CIB4: variants seen among roughly 807,000 people sequenced by gnomAD.
CIB4 encodes the protein calcium and integrin-binding family member 4.
In CIB4, 25 loss-of-function variants were observed where a neutral mutation model predicts 25.8. The ratio of observed to expected loss-of-function variants is 0.97; its 90% CI spans 0.71 to 1.35. CIB4 has a LOEUF of 1.35. Among genes scored for constraint, CIB4 ranks in the 40% most tolerant of loss-of-function variants. CIB4 has a pLI of 0.00. For missense variants in CIB4, 235 were observed against 228.2 expected (o/e 1.03, Z -0.19); for synonymous variants, 75 against 81.4 (o/e 0.92, Z 0.42).
In CIB4 at chr2:26,595,150, A is replaced by G; in HGVS notation, c.328+26T>C. 3 of 1,592,476 alleles carry G rather than the reference A, an allele frequency of 1.9e-6. No homozygotes were observed. The South Asian group carries it at 3.3e-5, about 18-fold the overall frequency. ...GTTCTCTATGGCCTTTCCACCCCTC[A>G]CCCCTCAGTCCCCCACAGCACCTAC... On this transcript the variant is annotated intron_variant, in intron 4 of 6. Coordinates refer to ENST00000288861, the MANE Select transcript of CIB4 (RefSeq NM_001029881.3).
At chr2:26,637,883 C>T (rs181256671) in intron 2 of CIB4, among the ~76,000 whole-genome samples, 1 of 152,306 alleles carries the variant, frequency 6.6e-6, no homozygotes, top group Admixed American at 6.5e-5. Context: ...AGTTTCTGCA[C>T]TGCTGTCCCT....
intron 2 of CIB4, among the ~76,000 whole-genome samples, chr2:26,630,738 G>A (rs562586805): frequency 4.1e-4 from 63 of 152,244 alleles, no homozygotes; most frequent in Admixed American, 1.1e-3. Context: ...CCACACACTC[G>A]TGAGGATTAA....
intron 2 of CIB4, among the ~76,000 whole-genome samples, chr2:26,632,737 G>A (rs1300252336): frequency 1.4e-5 from 2 of 146,974 alleles, no homozygotes; most frequent in African/African-American, 2.6e-5. Flanking sequence ...CAGCTTGGGC[G>A]ACAGAGTGAG....
intron 3 of CIB4, among the ~76,000 whole-genome samples, chr2:26,612,581 G>A (rs989211727): frequency 3.9e-5 from 6 of 152,044 alleles, no homozygotes; most frequent in Middle Eastern, 3.2e-3. Context: ...AGGGACTCAA[G>A]AAGTGGGACC....
intron 1 of CIB4, among the ~76,000 whole-genome samples, chr2:26,640,904 G>C (rs902397698): frequency 2.0e-5 from 3 of 152,160 alleles, no homozygotes; most frequent in Non-Finnish European, 4.4e-5. Context: ...TGCAGATTTA[G>C]CAAAGAGAGG....
In CIB4 at chr2:26,606,777, C is replaced by T. The variant is rs568631763; in HGVS notation, c.187-11460G>A. On this transcript the variant is annotated intron_variant, in intron 3 of 6. Transcript: ENST00000288861. ...CTAATTATTTATAAGAAAGGGATAG[C>T]CCCTGTGTTTGAGATGCTCAACCTT... Among the ~76,000 whole-genome samples, 9 of 152,200 alleles carry T rather than the reference C, an allele frequency of 5.9e-5. No homozygotes were observed. The East Asian group carries it at 1.2e-3, about 20-fold the overall frequency.
chr2:26,599,274 G>T (rs114191125), intron 3 of CIB4, among the ~76,000 whole-genome samples: 1 of 152,124 alleles, frequency 6.6e-6, no homozygotes, highest in Admixed American at 6.5e-5. Context: ...CCATTTATAC[G>T]TGATGAAACT....
At chr2:26,584,529 T>C (rs1194440401) in intron 4 of CIB4, among the ~76,000 whole-genome samples, 4 of 152,234 alleles carry the variant, frequency 2.6e-5, no homozygotes, top group Non-Finnish European at 5.9e-5. Flanking sequence ...CTGGCCATAC[T>C]GACCCTGGCT....
chr2:26,585,007 G>C (rs1468467568), intron 4 of CIB4, among the ~76,000 whole-genome samples: 1 of 152,174 alleles, frequency 6.6e-6, no homozygotes, highest in East Asian at 1.9e-4. Context: ...CCAGGCCTTG[G>C]GTCCTCCTTT....
At position 26,629,478 on chromosome 2, in the gene CIB4, G is replaced by A. The variant is rs1669374757; in HGVS notation, c.118C>T (p.Pro40Ser). The change falls in exon 3 of 7, where the codon CCT (proline) becomes TCT (serine). Residue 40 changes from proline to serine, a missense_variant. Pro to Ser is a moderately conservative substitution (Grantham distance 74). Coordinates refer to ENST00000288861, the MANE Select transcript of CIB4 (RefSeq NM_001029881.3). ...CIHDTFLKLC[P>S]PGKYYKEATL... ...GCCTCCTTGTAGTACTTCCCAGGAG[G>A]GCAGAGCTTCAGGAAGGTGTCATGG... The A allele has an allele frequency of 6.3e-7, 1 of 1,578,262 alleles. No individual in the cohort carries two copies. The highest frequency in any genetic ancestry group is 8.6e-7 in the Non-Finnish European group (1 of 1,161,534).
intron 4 of CIB4, among the ~76,000 whole-genome samples, chr2:26,593,662 A>T (rs1419401916): frequency 6.6e-6 from 1 of 152,216 alleles, no homozygotes; most frequent in Non-Finnish European, 1.5e-5. Context: ...CTTGGATATT[A>T]TAAATGTTTT....
chr2:26,609,709 A>G (rs1202203725), intron 3 of CIB4, among the ~76,000 whole-genome samples: 2 of 152,154 alleles, frequency 1.3e-5, no homozygotes. Flanking sequence ...CCCAGGCGCA[A>G]CAGGGCTCCA....
chr2:26,641,234 C>T, intron 1 of CIB4, 27 bp downstream of exon 1: 2 of 1,594,252 alleles, frequency 1.3e-6, no homozygotes, highest in East Asian at 2.2e-5. Context: ...CCACCTCTGC[C>T]CAGAGTCCCT....
At chr2:26,630,894 C>T (rs907946079) in intron 2 of CIB4, among the ~76,000 whole-genome samples, 2 of 152,152 alleles carry the variant, frequency 1.3e-5, no homozygotes, top group South Asian at 2.1e-4. Flanking sequence ...CTGGGCTGTG[C>T]ACAACCCACA....
chr2:26,583,737 C>T (rs1420667405), intron 5 of CIB4, 52 bp downstream of exon 5: 2 of 1,245,000 alleles, frequency 1.6e-6, no homozygotes, highest in East Asian at 4.6e-5. Flanking sequence ...TGGGTGACAA[C>T]CTGGCCCCTA....
rs1184223120 is a variant in CIB4, at chr2:26,588,354, A to T, written c.329-4456T>A. 2.6e-5 allele frequency among the ~76,000 whole-genome samples: 4 copies of T among 152,370 alleles called. No individual in the cohort carries two copies. The East Asian group carries it at 5.8e-4, about 22-fold the overall frequency. On this transcript the variant is annotated intron_variant, in intron 4 of 6. Coordinates refer to ENST00000288861, the MANE Select transcript of CIB4 (RefSeq NM_001029881.3). ...CCCCTCCTTTGGGGGTGGCAAGGAC[A>T]GGGCAGCCTGGGAGGGGCTGGGGGC...
rs1310911438 is a variant in CIB4, at chr2:26,588,984, C to A, written c.329-5086G>T. Among the ~76,000 whole-genome samples, 16 of 7,408 alleles carry A rather than the reference C, an allele frequency of 2.2e-3. 4 individuals carry two copies. Among genetic ancestry groups the A allele is most frequent in the Non-Finnish European group, 2.1e-3 (7 of 3,274 alleles). The allele number at this position is 7,408 out of a possible 152,430, so 4.9% of individuals were successfully genotyped here. A position where few individuals can be genotyped will look rare whatever the true frequency, so the allele number is the denominator to read the frequency against. On this transcript the variant is annotated intron_variant, in intron 4 of 6. Transcript: ENST00000288861. ...CCGCTGCTGCCGCTTCTTCTTTCTTCTTCTTCTTCTTCTTCTTCTTCTTCT... is the reference window on the plus strand; with the variant it reads ...CCGCTGCTGCCGCTTCTTCTTTCTTATTCTTCTTCTTCTTCTTCTTCTTCT...
chr2:26,611,886 A>G (rs966451042), intron 3 of CIB4, among the ~76,000 whole-genome samples: 9 of 152,236 alleles, frequency 5.9e-5, no homozygotes, highest in African/African-American at 2.2e-4. Context: ...GTATCTATGT[A>G]TGTCTACGAT....
chr2:26,635,438 G>A (rs1237423766), intron 2 of CIB4, among the ~76,000 whole-genome samples: 1 of 152,156 alleles, frequency 6.6e-6, no homozygotes, highest in Non-Finnish European at 1.5e-5. Context: ...TCTACCTATC[G>A]GTCTCTTGAA....
Sources: gnomAD v4.1 joint callset for allele counts (sites outside exome capture counted in the v4.1 genomes callset) on GRCh38, gnomAD v4.1.1 for gene constraint, MANE v1.5 for transcripts, NCBI Gene and HGNC (gene_info 2026-07-23, HGNC 2026-07-21) for gene names.